TMPRSS9: variants seen among roughly 807,000 people sequenced by gnomAD.
TMPRSS9 encodes transmembrane protease serine 9.
In TMPRSS9, 113 loss-of-function variants were observed where a neutral mutation model predicts 111.4. That is an observed-to-expected ratio of 1.01 (90% CI 0.87 to 1.19). TMPRSS9 has a LOEUF of 1.19. Among genes scored for constraint, TMPRSS9 ranks in the 50% most tolerant of loss-of-function variants. The probability of loss-of-function intolerance (pLI) is 0.00; values close to 1 mark genes in which losing one functional copy is unlikely to be tolerated. For missense variants in TMPRSS9, 1,803 were observed against 1,513.1 expected, an observed-to-expected ratio of 1.19 and a Z score of -3.18; for synonymous variants, 805 against 659.1, an observed-to-expected ratio of 1.22 and a Z score of -3.39.
At chr19:2,413,347 C>T (rs1388722405) in intron 9 of TMPRSS9, among the ~76,000 whole-genome samples, 3 of 152,134 alleles carry the variant, frequency 2.0e-5, no homozygotes, top group Admixed American at 1.3e-4. Flanking sequence ...TATGGAGGCA[C>T]CCGCGTGGCA....
chr19:2,423,268 A>T (rs1971506768), intron 14 of TMPRSS9, among the ~76,000 whole-genome samples: 1 of 151,748 alleles, frequency 6.6e-6, no homozygotes, highest in African/African-American at 2.4e-5. Context: ...GAGGTGGAGA[A>T]GGCCCCCCTC....
intron 7 of TMPRSS9, among the ~76,000 whole-genome samples, chr19:2,407,850 T>C (rs966822334): frequency 1.3e-5 from 2 of 151,820 alleles, no homozygotes; most frequent in African/African-American, 4.8e-5. Context: ...AGTGGCACAA[T>C]ATCAGCTCAC....
chr19:2,361,355 G>C (rs1313590340), intron 1 of TMPRSS9, among the ~76,000 whole-genome samples: 1 of 135,998 alleles, frequency 7.4e-6, no homozygotes, highest in African/African-American at 2.8e-5. Context: ...GGGGTGGGAG[G>C]TGAGTCTGGG....
chr19:2,411,572 ATT>A (rs766582602), intron 9 of TMPRSS9, among the ~76,000 whole-genome samples: 1 of 141,948 alleles, frequency 7.0e-6, no homozygotes, highest in African/African-American at 2.7e-5. Flanking sequence ...TAATTTTTGT[ATT>A]TTTAATTAAG....
chr19:2,374,528 C>T (rs533319705), intron 1 of TMPRSS9, among the ~76,000 whole-genome samples: 4 of 151,672 alleles, frequency 2.6e-5, no homozygotes, highest in South Asian at 2.1e-4. Context: ...GAGCCGAGAT[C>T]GCGCCACTGC....
chr19:2,369,960 C>A (rs1241470559), intron 1 of TMPRSS9, among the ~76,000 whole-genome samples: 2 of 152,078 alleles, frequency 1.3e-5, no homozygotes, highest in Non-Finnish European at 2.9e-5. Flanking sequence ...GTAATCCCAG[C>A]ACTTTGGGAG....
At chr19:2,425,818 G>A in intron 17 of TMPRSS9, 109 bp from the exon 19 acceptor site, 1 of 1,409,578 alleles carries the variant, frequency 7.1e-7, no homozygotes, top group Non-Finnish European at 9.4e-7. Context: ...TAGTGAAAAT[G>A]CGGCTCCCAG....
chr19:2,363,807 T>TGTGTGTGTGTGTGC (rs1555763793), intron 1 of TMPRSS9, among the ~76,000 whole-genome samples: 12 of 105,980 alleles, frequency 1.1e-4, no homozygotes, highest in African/African-American at 5.6e-4. Context: ...TGTGTGTGCG[T>TGTGTGTGTGTGTGC]GCGCGCGTGT....
exon 4 of TMPRSS9, chr19:2,399,133 C>G (rs1051019616): frequency 6.2e-7 from 1 of 1,613,476 alleles, no homozygotes; most frequent in South Asian, 1.1e-5. Context: ...CCGGGCAAGG[C>G]TGCGGGAGCA....
chr19:2,393,938 C>T (rs1322856182), intron 1 of TMPRSS9, among the ~76,000 whole-genome samples: 3 of 150,934 alleles, frequency 2.0e-5, no homozygotes, highest in African/African-American at 7.3e-5. Flanking sequence ...CGCGGTGGCT[C>T]CCACCTGTAA....
chr19:2,363,529 G>A (rs1970220484), intron 1 of TMPRSS9, among the ~76,000 whole-genome samples: 1 of 151,764 alleles, frequency 6.6e-6, no homozygotes, highest in South Asian at 2.1e-4. Context: ...GGGGACAGGC[G>A]AGAGTGTGGG....
chr19:2,365,434 G>A (rs1230656658), intron 1 of TMPRSS9, among the ~76,000 whole-genome samples: 2 of 152,050 alleles, frequency 1.3e-5, no homozygotes, highest in African/African-American at 2.4e-5. Flanking sequence ...AGGATTTCCT[G>A]ACTAGATTCA....
intron 1 of TMPRSS9, among the ~76,000 whole-genome samples, chr19:2,366,744 C>G (rs1945112665): frequency 6.6e-6 from 1 of 150,934 alleles, no homozygotes; most frequent in Non-Finnish European, 1.5e-5. Context: ...GTAGTCCCAG[C>G]TACTCAGGAG....
chr19:2,396,616 C>A, exon 2 of TMPRSS9: 1 of 1,602,130 alleles, frequency 6.2e-7, no homozygotes, highest in Non-Finnish European at 8.5e-7. Flanking sequence ...CAGTTTGCGG[C>A]GGGAGACCTC....
intron 1 of TMPRSS9, among the ~76,000 whole-genome samples, chr19:2,394,738 G>A (rs1970672592): frequency 6.6e-6 from 1 of 152,048 alleles, no homozygotes; most frequent in African/African-American, 2.4e-5. Context: ...CAGCTTTCAC[G>A]GTTTACGCGG....
chr19:2,404,498 A>G (rs908034473), intron 6 of TMPRSS9, among the ~76,000 whole-genome samples: 7 of 151,222 alleles, frequency 4.6e-5, no homozygotes, highest in Non-Finnish European at 1.0e-4. Context: ...AGCCAAGATC[A>G]CGCCACTGTA....
At position 2,398,788 on chromosome 19, in the gene TMPRSS9, A is replaced by AT. The variant is rs1489706911; in HGVS notation, c.271-5dup. 7.0e-7 allele frequency: 1 copy of AT among 1,435,182 alleles called. No individual in the cohort carries two copies. The highest frequency in any genetic ancestry group is 9.2e-7 in the Non-Finnish European group (1 of 1,083,638). 88.9% of individuals were successfully genotyped at this position (1,435,182 alleles called of 1,614,324 possible). On this transcript the variant is annotated splice_region_variant and splice_polypyrimidine_tract_variant and intron_variant, in intron 2 of 17. Transcript: ENST00000648592. ...CTCAACATTTGATATTCTTGTTTCTATTGCAGTTTGTAAGTAGTTTTCAGA... is the reference window on the plus strand; with the variant it reads ...CTCAACATTTGATATTCTTGTTTCTATTTGCAGTTTGTAAGTAGTTTTCAGA...
At chr19:2,397,689 G>A (rs556860484) in intron 2 of TMPRSS9, among the ~76,000 whole-genome samples, 33 of 147,870 alleles carry the variant, frequency 2.2e-4, no homozygotes, top group African/African-American at 7.2e-4. Context: ...GGAGGCCGAG[G>A]AGAGTGGATA....
At chr19:2,396,927 C>A (rs112713003) in intron 2 of TMPRSS9, among the ~76,000 whole-genome samples, 2 of 142,936 alleles carry the variant, frequency 1.4e-5, no homozygotes, top group African/African-American at 2.7e-5. Context: ...TTTTTTTTTT[C>A]TTTTTTTTCT....
Sources: allele counts gnomAD v4.1 joint callset (sites outside exome capture counted in the v4.1 genomes callset), GRCh38; gene constraint gnomAD v4.1.1; transcripts MANE v1.5; gene names NCBI Gene and HGNC (gene_info 2026-07-23, HGNC 2026-07-21).